The following THADA variants were observed in gnomAD, a reference collection of about 807,000 sequenced individuals.
The protein encoded by THADA is tRNA (32-2'-O)-methyltransferase regulator THADA.
THADA carries 213 observed loss-of-function variants against 219.8 expected under a neutral mutation model. That is an observed-to-expected ratio of 0.97 (90% CI 0.87 to 1.09). The LOEUF (loss-of-function observed/expected upper bound fraction) is 1.09. THADA is among the 50% of genes least tolerant of loss of function. The pLI, the probability that THADA is intolerant of heterozygous loss-of-function variation, is 0.00. For synonymous variants in THADA, 1,018 were observed against 828.9 expected (o/e 1.23, Z -3.92); for missense variants, 2,956 against 2,311.3 (o/e 1.28, Z -5.72).
At chr2:43,365,225 TC>T (rs1243471133) in intron 29 of THADA, among the ~76,000 whole-genome samples, 2 of 152,050 alleles carry the variant, frequency 1.3e-5, no homozygotes, top group Non-Finnish European at 2.9e-5. Flanking sequence ...GCGCCTGGCC[TC>T]ATCTGTGTTT....
intron 22 of THADA, among the ~76,000 whole-genome samples, chr2:43,517,782 A>C (rs1021794779): frequency 3.3e-5 from 5 of 152,134 alleles, no homozygotes; most frequent in African/African-American, 1.2e-4. Context: ...TTTTATATAC[A>C]TGTGGTTGGA....
intron 28 of THADA, among the ~76,000 whole-genome samples, chr2:43,420,336 A>C (rs1253677034): frequency 6.6e-6 from 1 of 152,258 alleles, no homozygotes; most frequent in Non-Finnish European, 1.5e-5. Context: ...TTCTTTAAGC[A>C]TAAAGACATT....
At chr2:43,472,505 G>A (rs545216769) in intron 26 of THADA, among the ~76,000 whole-genome samples, 9 of 152,276 alleles carry the variant, frequency 5.9e-5, no homozygotes, top group African/African-American at 1.4e-4. Flanking sequence ...GAAGCTAAAC[G>A]GAAAGTTGGC....
At position 43,510,651 on chromosome 2, in the gene THADA, T is replaced by C. The variant is rs530485312; in HGVS notation, c.3375-1871A>G. On this transcript the variant is annotated intron_variant, in intron 22 of 37. Coordinates refer to ENST00000405975, the MANE Select transcript of THADA (RefSeq NM_022065.5). ...TAGATTACTGCCTTCTTTTGTTCCT[T>C]CTTCACTGTAAAAAAAAAAAAAAAA... Among the ~76,000 whole-genome samples the C allele has an allele frequency of 9.8e-4, 144 of 146,230 alleles. 1 individual carries two copies. The highest frequency in any genetic ancestry group is 3.6e-3 in the African/African-American group (141 of 39,552).
chr2:43,506,403 T>C (rs1344873815), intron 23 of THADA, among the ~76,000 whole-genome samples: 1 of 152,170 alleles, frequency 6.6e-6, no homozygotes, highest in African/African-American at 2.4e-5. Context: ...TAAAAAGGAA[T>C]GAGGTACTAA....
chr2:43,460,501 C>T (rs1281943567), intron 26 of THADA, among the ~76,000 whole-genome samples: 1 of 152,116 alleles, frequency 6.6e-6, no homozygotes, highest in Non-Finnish European at 1.5e-5. Context: ...CTCAGTGGTT[C>T]TGAAAATAGC....
At chr2:43,286,727 A>G (rs1490733993) in intron 35 of THADA, among the ~76,000 whole-genome samples, 181 bp downstream of exon 35, 1 of 152,040 alleles carries the variant, frequency 6.6e-6, no homozygotes, top group African/African-American at 2.4e-5. Flanking sequence ...CTCCGTCTCA[A>G]AAAAAAAGAG....
chr2:43,542,618 C>T (rs1223016270), intron 20 of THADA, among the ~76,000 whole-genome samples: 1 of 152,186 alleles, frequency 6.6e-6, no homozygotes, highest in Non-Finnish European at 1.5e-5. Context: ...CAAAGCAGCT[C>T]CCATTTTACT....
intron 15 of THADA, chr2:43,563,848 G>A (rs1002637755): frequency 6.6e-6 from 1 of 152,082 alleles, no homozygotes; most frequent in African/African-American, 2.4e-5. Context: ...CATAGTCAAG[G>A]TTCTTAAGCC....
At chr2:43,316,346 G>A (rs1426514217) in intron 31 of THADA, among the ~76,000 whole-genome samples, 1 of 152,016 alleles carries the variant, frequency 6.6e-6, no homozygotes, top group Non-Finnish European at 1.5e-5. Context: ...CCAGATACAA[G>A]TGCTCAATAT....
chr2:43,547,694 C>T lies in THADA; in HGVS notation c.3106+1516G>A, dbSNP rs1051996791. The stretch of plus-strand genomic sequence containing the variant: ...GCTTCTGCATTCTTCACGTAGTTCT[C>T]GAGCCTTGGCTTTCAGCTCCATCAG... On this transcript the variant is annotated intron_variant, in intron 20 of 37. Coordinates refer to ENST00000405975, the MANE Select transcript of THADA (RefSeq NM_022065.5). Among the ~76,000 whole-genome samples, 131 of 152,292 alleles carry T rather than the reference C, an allele frequency of 8.6e-4. 2 individuals carry two copies. Among genetic ancestry groups the T allele is most frequent in the African/African-American group, 3.0e-3 (126 of 41,570 alleles).
At chr2:43,521,236 G>A (rs1055359661) in intron 22 of THADA, among the ~76,000 whole-genome samples, 1 of 121,320 alleles carries the variant, frequency 8.2e-6, no homozygotes, top group African/African-American at 3.3e-5. Context: ...AGACAAGAAG[G>A]CAGGCAGGCA....
At chr2:43,399,136 C>T (rs562170069) in intron 28 of THADA, among the ~76,000 whole-genome samples, 2 of 152,306 alleles carry the variant, frequency 1.3e-5, no homozygotes, top group South Asian at 4.1e-4. Flanking sequence ...GTCCAATATG[C>T]TAAGTACCAG....
At chr2:43,519,080 A>T (rs1478367098) in intron 22 of THADA, among the ~76,000 whole-genome samples, 1 of 151,528 alleles carries the variant, frequency 6.6e-6, no homozygotes, top group Non-Finnish European at 1.5e-5. Context: ...TCTTCTCATC[A>T]CCTAGGATAG....
intron 28 of THADA, among the ~76,000 whole-genome samples, chr2:43,403,730 T>C (rs945446821): frequency 6.6e-6 from 1 of 152,120 alleles, no homozygotes; most frequent in Non-Finnish European, 1.5e-5. Flanking sequence ...AAAAGGACCA[T>C]CCACTTGCTC....
chr2:43,448,201 G>A (rs1274290958), intron 26 of THADA, among the ~76,000 whole-genome samples: 1 of 152,206 alleles, frequency 6.6e-6, no homozygotes, highest in Non-Finnish European at 1.5e-5. Context: ...GGCAGAATGG[G>A]TCTAGTGTAA....
chr2:43,328,006 G>A (rs1411994326), intron 30 of THADA, among the ~76,000 whole-genome samples: 1 of 152,082 alleles, frequency 6.6e-6, no homozygotes, highest in African/African-American at 2.4e-5. Flanking sequence ...TATATCCTGT[G>A]GATAGGAGTT....
intron 21 of THADA, among the ~76,000 whole-genome samples, chr2:43,529,461 A>G (rs1035221924): frequency 3.9e-5 from 6 of 152,150 alleles, no homozygotes; most frequent in African/African-American, 1.4e-4. Context: ...GTCCTTCTGC[A>G]TCAGCCTCCC....
chr2:43,450,216 T>C (rs1382218532), intron 26 of THADA, among the ~76,000 whole-genome samples: 1 of 152,186 alleles, frequency 6.6e-6, no homozygotes, highest in Non-Finnish European at 1.5e-5. Context: ...AAAACTATTA[T>C]TAGATTAAAA....
Sources: allele counts gnomAD v4.1 joint callset (sites outside exome capture counted in the v4.1 genomes callset), GRCh38; gene constraint gnomAD v4.1.1; transcripts MANE v1.5; gene names NCBI Gene and HGNC (gene_info 2026-07-23, HGNC 2026-07-21).